TMEM260: variants seen among roughly 807,000 people sequenced by gnomAD.
The protein encoded by TMEM260 is transmembrane protein 260.
In TMEM260, 82 loss-of-function variants were observed where a neutral mutation model predicts 88.9. The observed-to-expected ratio is 0.92, with a 90% CI of 0.77 to 1.11. TMEM260 has a LOEUF of 1.11. Ranked by LOEUF, TMEM260 falls within the 50% of genes least tolerant of loss-of-function variation. The pLI is 0.00. For synonymous variants in TMEM260, 314 were observed against 309.3 expected, an observed-to-expected ratio of 1.02 and a Z score of -0.16; for missense variants, 902 against 853.4, an observed-to-expected ratio of 1.06 and a Z score of -0.71.
chr14:56,649,663 T>G (rs191812327), downstream of TMEM260: 1 of 155,120 alleles, frequency 6.4e-6, no homozygotes, highest in African/African-American at 2.4e-5. Flanking sequence ...AAAGTTATAT[T>G]TCCTATTAGT....
At chr14:56,614,590 T>C (rs775039357) in intron 7 of TMEM260, among the ~76,000 whole-genome samples, 1 of 152,176 alleles carries the variant, frequency 6.6e-6, no homozygotes, top group Non-Finnish European at 1.5e-5. Context: ...TCCTAGACCA[T>C]ATGTCTAACT....
At chr14:56,598,855 T>C (rs1287859855) in intron 3 of TMEM260, among the ~76,000 whole-genome samples, 1 of 152,198 alleles carries the variant, frequency 6.6e-6, no homozygotes, top group African/African-American at 2.4e-5. Flanking sequence ...CTAGTGCACA[T>C]GTACCAACTA....
At chr14:56,658,551 G>T in the TMEM260 span, among the ~76,000 whole-genome samples, 1 of 151,502 alleles carries the variant, frequency 6.6e-6, no homozygotes, top group Non-Finnish European at 1.5e-5. Context: ...TTAATCATGA[G>T]AAAACATTTC....
intron 3 of TMEM260, among the ~76,000 whole-genome samples, chr14:56,591,211 A>G (rs1817489974): frequency 6.6e-6 from 1 of 152,202 alleles, no homozygotes; most frequent in African/African-American, 2.4e-5. Flanking sequence ...AAATGCACAT[A>G]TTTCTTTAAA....
intron 15 of TMEM260, among the ~76,000 whole-genome samples, chr14:56,640,657 G>A (rs56336731): frequency 0.043 from 6,513 of 152,256 alleles, 212 homozygotes; most frequent in East Asian, 0.099. Context: ...TGACTTTGAC[G>A]AGTTGAGAGA....
intron 1 of TMEM260, among the ~76,000 whole-genome samples, chr14:56,582,255 C>A (rs28685741): frequency 0.012 from 1,815 of 152,312 alleles, 24 homozygotes; most frequent in African/African-American, 0.042. Context: ...TTACATTTTA[C>A]TCCATAGATT....
rs2275023 is a variant in TMEM260 at position 56,617,179 on chromosome 14, G to T, written c.942-4G>T. ...TTTAGACATATTTTTATTATTTTTT[G>T]TAGGGACAGACAGAATCCATCATTA... On this transcript the variant is annotated splice_region_variant and splice_polypyrimidine_tract_variant and intron_variant, in intron 8 of 15. Transcript: ENST00000261556. 27 of 1,524,080 alleles carry T rather than the reference G, an allele frequency of 1.8e-5. No individual in the cohort carries two copies. The highest frequency in any genetic ancestry group is 2.4e-5 in the Non-Finnish European group (27 of 1,125,556). 94.4% of individuals were successfully genotyped at this position (1,524,080 alleles called of 1,614,324 possible).
chr14:56,628,491 A>AT (rs1328276433), intron 12 of TMEM260, among the ~76,000 whole-genome samples: 1 of 151,894 alleles, frequency 6.6e-6, no homozygotes, highest in Non-Finnish European at 1.5e-5. Context: ...GATCACAAAG[A>AT]TTTTCTCATG....
chr14:56,613,163 A>G (rs747113358), intron 7 of TMEM260: 2 of 152,188 alleles, frequency 1.3e-5, no homozygotes, highest in Non-Finnish European at 2.9e-5. Context: ...ACTTGATACA[A>G]AATTTTGGAA....
chr14:56,616,420 A>G (rs1190257913), intron 8 of TMEM260, among the ~76,000 whole-genome samples: 2 of 152,084 alleles, frequency 1.3e-5, no homozygotes, highest in African/African-American at 2.4e-5. Context: ...TAATTTATTC[A>G]TTTATGATCT....
At chr14:56,650,009 C>T (rs1890171781), downstream of TMEM260, 2 of 422,538 alleles carry the variant, frequency 4.7e-6, no homozygotes, top group African/African-American at 4.2e-5. Context: ...GAATCCTTTC[C>T]TTTCTATTAG....
chr14:56,646,368 G>A (rs553275505), intron 15 of TMEM260, among the ~76,000 whole-genome samples: 1 of 152,290 alleles, frequency 6.6e-6, no homozygotes, highest in African/African-American at 2.4e-5. Flanking sequence ...GTTTTTCTGT[G>A]CACTCAGAAA....
At chr14:56,608,274 A>G (rs1235488476) in intron 5 of TMEM260, among the ~76,000 whole-genome samples, 1 of 152,196 alleles carries the variant, frequency 6.6e-6, no homozygotes, top group Non-Finnish European at 1.5e-5. Context: ...TAAAGGAAAA[A>G]TTGGCAATTT....
chr14:56,587,480 C>T (rs1286690646), intron 3 of TMEM260, among the ~76,000 whole-genome samples: 5 of 151,928 alleles, frequency 3.3e-5, no homozygotes, highest in African/African-American at 1.2e-4. Flanking sequence ...TTAAAAATAG[C>T]TTTTATTAAT....
chr14:56,591,494 A>G (rs1371985953), intron 3 of TMEM260, among the ~76,000 whole-genome samples: 2 of 152,198 alleles, frequency 1.3e-5, no homozygotes, highest in East Asian at 1.9e-4. Context: ...ATTACGTAGC[A>G]TCTTCTAAGT....
intron 1 of TMEM260, among the ~76,000 whole-genome samples, chr14:56,580,962 G>A (rs917301743): frequency 2.0e-5 from 3 of 152,146 alleles, no homozygotes; most frequent in African/African-American, 7.2e-5. Context: ...TCCCGTTTTT[G>A]TAAATCAGGA....
At chr14:56,607,026 A>G (rs1302715144) in intron 5 of TMEM260, among the ~76,000 whole-genome samples, 1 of 152,246 alleles carries the variant, frequency 6.6e-6, no homozygotes, top group Non-Finnish European at 1.5e-5. Flanking sequence ...ATTAAACAGC[A>G]TAACAGGCAG....
chr14:56,580,841 C>A (rs1225792025), intron 1 of TMEM260, among the ~76,000 whole-genome samples: 1 of 152,166 alleles, frequency 6.6e-6, no homozygotes, highest in African/African-American at 2.4e-5. Flanking sequence ...GTAATTTTGT[C>A]AGAATAGTGC....
chr14:56,615,256 T>A (rs1317988559), intron 7 of TMEM260, among the ~76,000 whole-genome samples: 1 of 152,196 alleles, frequency 6.6e-6, no homozygotes, highest in Non-Finnish European at 1.5e-5. Flanking sequence ...TGAGATGATG[T>A]ATAGAGTCAT....
Sources: gnomAD v4.1 joint callset for allele counts (sites outside exome capture counted in the v4.1 genomes callset) on GRCh38, gnomAD v4.1.1 for gene constraint, MANE v1.5 for transcripts, NCBI Gene and HGNC (gene_info 2026-07-23, HGNC 2026-07-21) for gene names.